The following ANXA8 variants were observed in gnomAD, a reference collection of about 807,000 sequenced individuals.
ANXA8 encodes the protein VAC-beta.
A neutral mutation model predicts 26.8 loss-of-function variants in ANXA8; 9 were observed. The ratio of observed to expected loss-of-function variants is 0.34; its 90% confidence interval spans 0.20 to 0.59. The LOEUF is 0.59. Among genes scored for constraint, ANXA8 ranks in the 20% least tolerant of loss-of-function variants. The pLI is 0.84. For synonymous variants in ANXA8, 39 were observed against 94.8 expected (o/e 0.41, Z 3.42); for missense variants, 83 against 238.5 (o/e 0.35, Z 4.29).
At chr10:47,733,976 TA>T in the ANXA8 span, among the ~76,000 whole-genome samples, 1 of 152,272 alleles carries the variant, frequency 6.6e-6, no homozygotes, top group Admixed American at 6.5e-5. Flanking sequence ...AAAATGGACT[TA>T]CCAGGCAGGG....
chr10:47,527,890 T>A, the ANXA8 span, among the ~76,000 whole-genome samples: 4 of 148,892 alleles, frequency 2.7e-5, no homozygotes, highest in South Asian at 8.5e-4. Flanking sequence ...ATTTTTGAGG[T>A]TAGAAGAGAA....
chr10:47,724,536 G>A, the ANXA8 span, among the ~76,000 whole-genome samples: 1 of 141,468 alleles, frequency 7.1e-6, no homozygotes. Flanking sequence ...CCACAAGGCT[G>A]GTTTCTTCAT....
At chr10:47,973,913 G>A in the ANXA8 span, among the ~76,000 whole-genome samples, 11 of 151,164 alleles carry the variant, frequency 7.3e-5, no homozygotes, top group East Asian at 7.8e-4. Context: ...TGTTGTTGTC[G>A]TTGGTAGGTT....
At chr10:47,607,267 A>G in the ANXA8 span, among the ~76,000 whole-genome samples, 2 of 138,596 alleles carry the variant, frequency 1.4e-5, no homozygotes, top group Admixed American at 1.4e-4. Context: ...AAATAAAAAT[A>G]AAAGAAAAAA....
the ANXA8 span, among the ~76,000 whole-genome samples, chr10:47,970,969 G>A: frequency 6.6e-6 from 1 of 151,354 alleles, no homozygotes; most frequent in African/African-American, 2.4e-5. Context: ...CCAGCAAGCA[G>A]GGTCCAACAG....
At chr10:47,957,766 G>A in the ANXA8 span, among the ~76,000 whole-genome samples, 3,033 of 148,236 alleles carry the variant, frequency 0.02, 111 homozygotes, top group African/African-American at 0.074. Flanking sequence ...AGCTTGGCTC[G>A]TGGCTCTGAT....
chr10:47,566,977 T>C, the ANXA8 span, among the ~76,000 whole-genome samples: 10 of 145,682 alleles, frequency 6.9e-5, no homozygotes, highest in South Asian at 2.2e-4. Context: ...AGCCCTGGAC[T>C]GCCAGGTATG....
At chr10:47,950,662 G>T in the ANXA8 span, among the ~76,000 whole-genome samples, 1 of 150,546 alleles carries the variant, frequency 6.6e-6, no homozygotes, top group East Asian at 2.0e-4. Context: ...TAAAATAGAA[G>T]TTAATAGCAG....
the ANXA8 span, among the ~76,000 whole-genome samples, chr10:47,974,112 T>C: frequency 6.6e-6 from 1 of 151,050 alleles, no homozygotes; most frequent in Non-Finnish European, 1.5e-5. Flanking sequence ...TGTATCAGTA[T>C]GCCATACTGT....
chr10:47,646,247 C>T, the ANXA8 span, among the ~76,000 whole-genome samples: 3 of 133,524 alleles, frequency 2.2e-5, no homozygotes, highest in South Asian at 2.3e-4. Context: ...AACTCACTTG[C>T]CAGCTTACCA....
At chr10:47,709,278 G>A in the ANXA8 span, among the ~76,000 whole-genome samples, 2 of 146,442 alleles carry the variant, frequency 1.4e-5, no homozygotes, top group African/African-American at 2.7e-5. Flanking sequence ...TTCTTTTACT[G>A]TCTAAAGGAA....
At chr10:47,703,181 C>T in the ANXA8 span, among the ~76,000 whole-genome samples, 44 of 151,944 alleles carry the variant, frequency 2.9e-4, 1 homozygote, top group African/African-American at 1.1e-3. Flanking sequence ...GATATAAAGA[C>T]ATATTTATTT....
At chr10:47,704,955 G>A in the ANXA8 span, among the ~76,000 whole-genome samples, 1 of 152,050 alleles carries the variant, frequency 6.6e-6, no homozygotes, top group Non-Finnish European at 1.5e-5. Flanking sequence ...TAAATTCAGT[G>A]CATGTTCCAT....
the ANXA8 span, among the ~76,000 whole-genome samples, chr10:47,756,644 G>A: frequency 1.5e-4 from 23 of 152,384 alleles, no homozygotes; most frequent in Non-Finnish European, 3.1e-4. Context: ...CCTGGCTTAC[G>A]GTGACCCCAG....
the ANXA8 span, among the ~76,000 whole-genome samples, chr10:47,733,233 C>CTCTTTCTTTCTT: frequency 9.3e-3 from 553 of 59,616 alleles, 20 homozygotes; most frequent in Middle Eastern, 0.016. Context: ...CTTTCTTTCT[C>CTCTTTCTTTCTT]TCTTTCTTTC....
chr10:47,469,250 C>G (rs1839229000), intron 11 of ANXA8, among the ~76,000 whole-genome samples: 1 of 148,692 alleles, frequency 6.7e-6, no homozygotes. Context: ...CAACAGGATG[C>G]ATCATTATTC....
the ANXA8 span, among the ~76,000 whole-genome samples, chr10:47,951,497 T>C: frequency 3.3e-5 from 5 of 150,392 alleles, no homozygotes; most frequent in African/African-American, 1.2e-4. Flanking sequence ...AAAAAAATCT[T>C]ATAGGCCAAT....
At chr10:47,737,571 A>C in the ANXA8 span, among the ~76,000 whole-genome samples, 1 of 151,944 alleles carries the variant, frequency 6.6e-6, no homozygotes, top group Non-Finnish European at 1.5e-5. Flanking sequence ...TTATAACTTT[A>C]CATCTGATAG....
the ANXA8 span, among the ~76,000 whole-genome samples, chr10:47,767,595 ACTCCC>A: frequency 6.8e-6 from 1 of 147,444 alleles, no homozygotes; most frequent in African/African-American, 2.5e-5. Context: ...AGTACCTGGC[ACTCCC>A]CTACTCACCC....
Sources: allele counts gnomAD v4.1 joint callset (sites outside exome capture counted in the v4.1 genomes callset), GRCh38; gene constraint gnomAD v4.1.1; transcripts MANE v1.5; gene names NCBI Gene and HGNC (gene_info 2026-07-23, HGNC 2026-07-21).